MGAM: variants seen among roughly 807,000 people sequenced by gnomAD.
MGAM encodes alpha-1,4-glucosidase.
Under a neutral mutation model 358.8 loss-of-function variants are expected in MGAM, and 253 were observed. That is an observed-to-expected ratio of 0.71 (90% CI 0.64 to 0.78). The LOEUF (loss-of-function observed/expected upper bound fraction) is 0.78. Ranked by LOEUF, MGAM falls within the 30% of genes least tolerant of loss-of-function variation. The pLI is 0.00. For synonymous variants in MGAM, 1,105 were observed against 1,227.1 expected, an observed-to-expected ratio of 0.90 and a Z score of 2.08; for missense variants, 3,080 against 3,432.6, an observed-to-expected ratio of 0.90 and a Z score of 2.57.
At position 142,008,716 on chromosome 7, in the gene MGAM, T is replaced by C. The variant is rs369215306; in HGVS notation, c.327+11T>C. ...CAGCCGCCAACAAAGGTTTGAGTTA[T>C]GAATTTTGTTTCCATTTTAGAATTT... On this transcript the variant is annotated intron_variant, in intron 3 of 70. Coordinates refer to ENST00000475668, the MANE Select transcript of MGAM (RefSeq NM_001365693.1). 5.0e-5 allele frequency: 80 copies of C among 1,604,190 alleles called. No homozygotes were observed. The highest frequency in any genetic ancestry group is 6.2e-5 in the Non-Finnish European group (73 of 1,175,664).
rs867975036 is a variant in MGAM at position 142,080,849 on chromosome 7, T to C, written c.5906T>C (p.Val1969Ala). The change falls in exon 50 of 71, where the codon GTG (valine) becomes GCG (alanine). Residue 1969 changes from valine (V) to alanine (A), a missense_variant. Physicochemically the swap from Val to Ala is moderately conservative, Grantham distance 64. This residue lies in a region of MGAM where 932 missense variants were observed against 1,198.2 expected (regional missense o/e 0.78). Transcript: ENST00000475668. The part of the protein sequence containing the change: ...EVPVPLNIPS[V>A]PSSTPEGQLY... Reference sequence around the variant, plus strand: ...CCAGTCCCTCTGAACATACCCAGCGTGCCATCCAGCACCCCTGAGGGTCAA... The same window carrying C: ...CCAGTCCCTCTGAACATACCCAGCGCGCCATCCAGCACCCCTGAGGGTCAA... 1 of 1,556,404 alleles carries C rather than the reference T, an allele frequency of 6.4e-7. No homozygotes were observed. The highest frequency in any genetic ancestry group is 1.3e-5 in the African/African-American group (1 of 74,564).
intron 47 of MGAM, 132 bp downstream of exon 47, chr7:142,076,958 G>C: frequency 9.4e-7 from 1 of 1,066,442 alleles, no homozygotes; most frequent in East Asian, 2.5e-5. Flanking sequence ...AATTGAGAGG[G>C]CACCTTTGAT....
At chr7:142,049,744 G>A (rs1810759538) in intron 22 of MGAM, among the ~76,000 whole-genome samples, 1 of 152,168 alleles carries the variant, frequency 6.6e-6, no homozygotes, top group Non-Finnish European at 1.5e-5. Flanking sequence ...AAAAATTACA[G>A]TGAGCTACCA....
At position 142,063,553 on chromosome 7, in the gene MGAM, G is replaced by A; in HGVS notation, c.4312G>A (p.Asp1438Asn). Residue 1438 changes from aspartate (D) to asparagine (N), a missense_variant, in exon 36 of 71, where the codon GAC (aspartate) becomes AAC (asparagine). Around this residue, in one of 5 missense-constraint regions of MGAM, gnomAD observed 1,816 missense variants for 1,840.5 expected, o/e 0.99. Coordinates refer to ENST00000475668, the MANE Select transcript of MGAM (RefSeq NM_001365693.1). ...VNGAVSPGCR[D>N]ASLNHPPYMP... ...TGGGGCAGTTTCTCCAGGCTGCAGG[G>A]ACGCCTCTCTGAACCACCCTCCCTA... 6.2e-7 allele frequency: 1 copy of A among 1,613,780 alleles called. No individual in the cohort carries two copies. The highest frequency in any genetic ancestry group is 8.5e-7 in the Non-Finnish European group (1 of 1,179,806).
chr7:142,040,815 A>G lies in MGAM; in HGVS notation c.2467A>G (p.Thr823Ala). The change falls in exon 21 of 71, where the codon ACA becomes GCA. Residue 823 changes from threonine to alanine, a missense_variant. This residue lies in a region of MGAM where 1,816 missense variants were observed against 1,840.5 expected (regional missense o/e 0.99). Coordinates refer to ENST00000475668, the MANE Select transcript of MGAM (RefSeq NM_001365693.1). ...LHLRGGYIFPTQQPNTTTLAS... is the reference protein window; with the variant it reads ...LHLRGGYIFPAQQPNTTTLAS... ...CCTTCGAGGAGGCTACATCTTCCCC[A>G]CACAGCAGCCAAATACAACCACTCT... 1.2e-6 allele frequency: 2 copies of G among 1,612,890 alleles called. No homozygotes were observed.
upstream of MGAM, among the ~76,000 whole-genome samples, chr7:141,991,828 C>G (rs1241469217): frequency 6.6e-6 from 1 of 152,154 alleles, no homozygotes; most frequent in Non-Finnish European, 1.5e-5. Flanking sequence ...ATCTCCAAGC[C>G]TAGATAAGGC....
intron 63 of MGAM, among the ~76,000 whole-genome samples, 158 bp from the exon 64 acceptor site, chr7:142,095,407 A>C (rs79416050): frequency 0.018 from 2,709 of 152,310 alleles, 62 homozygotes; most frequent in African/African-American, 0.062. Context: ...GCATCAGTGA[A>C]CTTTTCCAGT....
At chr7:142,045,508 C>CATATAATATATGATATTATATATTAT (rs1810124522) in intron 21 of MGAM, among the ~76,000 whole-genome samples, 10 of 85,924 alleles carry the variant, frequency 1.2e-4, no homozygotes, top group East Asian at 5.8e-4. Context: ...TTATATATTA[C>CATATAATATATGATATTATATATTAT]ATATACATAT....
intron 21 of MGAM, among the ~76,000 whole-genome samples, chr7:142,042,826 AATATC>A (rs1433825636): frequency 2.0e-5 from 1 of 48,850 alleles, no homozygotes; most frequent in Non-Finnish European, 3.9e-5. Context: ...ATCTAAATAT[AATATC>A]TATATTATAT....
rs565960285 is a variant in MGAM at position 142,050,659 on chromosome 7, T to C, written c.2638-38T>C. 1.0e-4 allele frequency: 164 copies of C among 1,583,722 alleles called. 3 individuals carry two copies. The South Asian group carries it at 1.8e-3, about 17-fold the overall frequency. ...TGACTTGAGAATCTGTGTATACTCA[T>C]ATACCTTTATGCATACTTGGACTTA... On this transcript the variant is annotated intron_variant, in intron 23 of 70. Coordinates refer to ENST00000475668, the MANE Select transcript of MGAM (RefSeq NM_001365693.1).
chr7:142,036,371 A>C, intron 17 of MGAM, 86 bp downstream of exon 17: 1 of 996,102 alleles, frequency 1.0e-6, no homozygotes, highest in South Asian at 1.4e-5. Flanking sequence ...AGATCTGCTG[A>C]ACCAACCTCT....
chr7:142,066,182 G>A lies in MGAM; in HGVS notation c.4770+351G>A, dbSNP rs1313788034. ...TTGCCATATTTCACAGGATGGTCTC[G>A]AACTCCTGGGCTCAAGCGATCCACT... On this transcript the variant is annotated intron_variant, in intron 40 of 70. Coordinates refer to ENST00000475668, the MANE Select transcript of MGAM (RefSeq NM_001365693.1). Among the ~76,000 whole-genome samples the A allele has an allele frequency of 2.1e-5, 3 of 145,218 alleles. No individual in the cohort carries two copies. The Admixed American group carries it at 2.1e-4, about 10-fold the overall frequency.
At chr7:142,042,704 T>C (rs1172106227) in intron 21 of MGAM, among the ~76,000 whole-genome samples, 1 of 46,860 alleles carries the variant, frequency 2.1e-5, no homozygotes, top group East Asian at 6.1e-4. Context: ...TATAATATTA[T>C]ATATAATATA....
At chr7:142,037,381 T>G (rs1808088649) in intron 18 of MGAM, among the ~76,000 whole-genome samples, 1 of 152,208 alleles carries the variant, frequency 6.6e-6, no homozygotes, top group Admixed American at 6.5e-5. Flanking sequence ...ATGTTCAAGC[T>G]GTAGGAATGA....
At chr7:142,073,995 T>C in intron 44 of MGAM, 90 bp from the exon 45 acceptor site, 2 of 946,212 alleles carry the variant, frequency 2.1e-6, no homozygotes, top group South Asian at 2.8e-5. Context: ...TAGTATCTTT[T>C]CCAGTTTGAA....
intron 58 of MGAM, among the ~76,000 whole-genome samples, 169 bp downstream of exon 58, chr7:142,092,216 AC>A (rs145382476): frequency 0.019 from 2,764 of 146,212 alleles, 152 homozygotes; most frequent in African/African-American, 0.063. Context: ...TAGCCCTCAC[AC>A]CTTCTACCAG....
In MGAM at chr7:142,034,775, C is replaced by T. The variant is rs782186353; in HGVS notation, c.1893C>T (p.Ala631=). Residue 631 remains alanine, a synonymous_variant, in exon 16 of 71, where the codon GCC becomes GCT. Transcript: ENST00000475668. ...FAAHWLGDNT[A]TWDDLRWSIP... is the part of the protein sequence containing the mutation. The stretch of plus-strand genomic sequence containing the variant: ...CACATTGGTTAGGAGACAACACTGC[C>T]ACCTGGGATGACCTGAGATGGTCCA... 1 of 1,613,560 alleles carries T rather than the reference C, an allele frequency of 6.2e-7. No individual in the cohort carries two copies. Among genetic ancestry groups the T allele is most frequent in the Admixed American group, 1.7e-5 (1 of 59,964 alleles).
rs1807986923 is a variant in MGAM, at chr7:142,036,293, T to C, written c.2076+8T>C. 6.3e-7 allele frequency: 1 copy of C among 1,578,942 alleles called. No individual in the cohort carries two copies. Among genetic ancestry groups the C allele is most frequent in the South Asian group, 1.1e-5 (1 of 87,610 alleles). On this transcript the variant is annotated splice_region_variant and intron_variant, in intron 17 of 70. Transcript: ENST00000475668. ...AATGGCCAAGGCTACAAGGTAAGGCTCCTAGGACATAGAGTCAGAATAAAT... is the reference window on the plus strand; with the variant it reads ...AATGGCCAAGGCTACAAGGTAAGGCCCCTAGGACATAGAGTCAGAATAAAT...
intron 21 of MGAM, among the ~76,000 whole-genome samples, chr7:142,041,972 A>ATATGTATATAATATAATATATATATAT: frequency 4.4e-5 from 1 of 22,932 alleles, no homozygotes; most frequent in South Asian, 1.2e-3. Context: ...TATATATATT[A>ATATGTATATAATATAATATATATATAT]TATATATATA....
Sources: allele counts gnomAD v4.1 joint callset (sites outside exome capture counted in the v4.1 genomes callset), GRCh38; gene constraint gnomAD v4.1.1; regional missense constraint gnomAD v4.1.1; transcripts MANE v1.5; gene names NCBI Gene and HGNC (gene_info 2026-07-23, HGNC 2026-07-21).